The following PELI2 variants were observed in gnomAD, a reference collection of about 807,000 sequenced individuals.
The protein encoded by PELI2 is pellino E3 ubiquitin protein ligase family member 2, also known as E3 ubiquitin-protein ligase pellino homolog 2.
In PELI2, 23 loss-of-function variants were observed where a neutral mutation model predicts 42.3. The ratio of observed to expected loss-of-function variants is 0.54; its 90% CI spans 0.39 to 0.77. PELI2 has a LOEUF of 0.77. Among genes scored for constraint, PELI2 ranks in the 30% least tolerant of loss-of-function variants. The probability of loss-of-function intolerance (pLI) is 0.00; values close to 1 mark genes in which losing one functional copy is unlikely to be tolerated. For missense variants in PELI2, 463 were observed against 553.2 expected (o/e 0.84, Z 1.64); for synonymous variants, 245 against 212.2 (o/e 1.15, Z -1.34).
chr14:56,121,013 A>G (rs1595531184), intron 1 of PELI2, among the ~76,000 whole-genome samples: 2 of 152,234 alleles, frequency 1.3e-5, no homozygotes. Context: ...AACCTTATTC[A>G]TATTCCACCC....
intron 2 of PELI2, among the ~76,000 whole-genome samples, chr14:56,255,681 T>TA (rs748583053): frequency 1.2e-4 from 18 of 152,114 alleles, no homozygotes; most frequent in Non-Finnish European, 2.4e-4. Flanking sequence ...CAGCAGATTG[T>TA]ATAGGCAGGA....
chr14:56,275,615 G>A (rs1404120877), intron 2 of PELI2, among the ~76,000 whole-genome samples: 1 of 152,142 alleles, frequency 6.6e-6, no homozygotes, highest in African/African-American at 2.4e-5. Context: ...AGAACCTAAT[G>A]CCGCTGCTGA....
At chr14:56,272,399 G>T (rs747424411) in intron 2 of PELI2, among the ~76,000 whole-genome samples, 12 of 151,422 alleles carry the variant, frequency 7.9e-5, no homozygotes, top group Non-Finnish European at 1.6e-4. Context: ...CTTAAATGAG[G>T]CAGACTCTAG....
intron 2 of PELI2, among the ~76,000 whole-genome samples, chr14:56,254,853 A>G (rs1010144317): frequency 2.6e-5 from 4 of 152,244 alleles, no homozygotes; most frequent in Admixed American, 2.6e-4. Flanking sequence ...TTCTCAAAAG[A>G]AGACATTTAT....
rs1392920373 is a variant in PELI2, at chr14:56,298,542, A to T, written c.*1376A>T. On this transcript the variant is annotated 3_prime_UTR_variant, in exon 6 of 6. Coordinates refer to ENST00000267460, the MANE Select transcript of PELI2 (RefSeq NM_021255.3). ...AAACTAATGTTCTCTTAATTTGACCATTGCAGATTTGGGTGACTTTTTTTT... is the reference window on the plus strand; with the variant it reads ...AAACTAATGTTCTCTTAATTTGACCTTTGCAGATTTGGGTGACTTTTTTTT... The T allele has an allele frequency of 6.6e-6, 1 of 152,648 alleles. No homozygotes were observed. The highest frequency in any genetic ancestry group is 1.5e-5 in the Non-Finnish European group (1 of 68,036). 9.5% of individuals were successfully genotyped at this position (152,648 alleles called of 1,614,324 possible).
intron 2 of PELI2, among the ~76,000 whole-genome samples, chr14:56,235,784 C>G (rs138729412): frequency 2.4e-4 from 36 of 152,354 alleles, no homozygotes; most frequent in African/African-American, 8.7e-4. Flanking sequence ...GAGGAGCTGT[C>G]TGCCCAGTTT....
chr14:56,146,746 A>G (rs545581282), intron 1 of PELI2, among the ~76,000 whole-genome samples: 18 of 152,056 alleles, frequency 1.2e-4, no homozygotes, highest in Middle Eastern at 3.4e-3. Flanking sequence ...TGAGAGATCA[A>G]TTTTACTTGT....
At chr14:56,234,464 A>T (rs943204879) in intron 2 of PELI2, among the ~76,000 whole-genome samples, 1 of 152,296 alleles carries the variant, frequency 6.6e-6, no homozygotes, top group South Asian at 2.1e-4. Context: ...ACATGGGTGA[A>T]GCTGGAAACC....
chr14:56,246,477 G>A (rs1258990146), intron 2 of PELI2, among the ~76,000 whole-genome samples: 3 of 152,104 alleles, frequency 2.0e-5, no homozygotes, highest in Non-Finnish European at 1.5e-5. Context: ...CCTTCCTCCT[G>A]TGTTTCCCAT....
At chr14:56,202,758 C>T (rs1886376031) in intron 2 of PELI2, among the ~76,000 whole-genome samples, 1 of 152,292 alleles carries the variant, frequency 6.6e-6, no homozygotes, top group South Asian at 2.1e-4. Flanking sequence ...AGCATATCAT[C>T]TGTGAAGTCT....
At chr14:56,134,731 T>C (rs1468513895) in intron 1 of PELI2, among the ~76,000 whole-genome samples, 8 of 152,046 alleles carry the variant, frequency 5.3e-5, no homozygotes, top group Non-Finnish European at 1.2e-4. Flanking sequence ...TTCTCTCTTT[T>C]TTAAAAAAAA....
chr14:56,260,488 G>T (rs1888674260), intron 2 of PELI2, among the ~76,000 whole-genome samples: 1 of 152,168 alleles, frequency 6.6e-6, no homozygotes, highest in Non-Finnish European at 1.5e-5. Context: ...TCAGGGATTG[G>T]CTGCACAGTC....
intron 2 of PELI2, among the ~76,000 whole-genome samples, chr14:56,242,609 ATCAG>A (rs1173047024): frequency 6.6e-6 from 1 of 152,368 alleles, no homozygotes; most frequent in African/African-American, 2.4e-5. Context: ...CTAAATGTCC[ATCAG>A]TCAGTGAGTG....
chr14:56,270,067 C>G (rs1322395205), intron 2 of PELI2, among the ~76,000 whole-genome samples: 2 of 152,162 alleles, frequency 1.3e-5, no homozygotes, highest in African/African-American at 4.8e-5. Flanking sequence ...CGTGCCTGCC[C>G]CAGCCCTGTC....
At chr14:56,121,481 C>A (rs1883057178) in intron 1 of PELI2, among the ~76,000 whole-genome samples, 1 of 152,148 alleles carries the variant, frequency 6.6e-6, no homozygotes, top group South Asian at 2.1e-4. Flanking sequence ...TTTCATGATT[C>A]CAGCCAGTTA....
intron 2 of PELI2, among the ~76,000 whole-genome samples, chr14:56,181,867 T>C (rs1885596707): frequency 6.7e-6 from 1 of 148,280 alleles, no homozygotes; most frequent in Non-Finnish European, 1.5e-5. Flanking sequence ...TGTGTGTGTG[T>C]GTGTGTTTTT....
intron 2 of PELI2, among the ~76,000 whole-genome samples, chr14:56,212,804 G>C (rs1886757325): frequency 1.3e-5 from 2 of 152,202 alleles, no homozygotes; most frequent in South Asian, 4.1e-4. Flanking sequence ...ATGTGTTCCA[G>C]TGGCCAGTCT....
chr14:56,230,678 A>G (rs1266474663), intron 2 of PELI2, among the ~76,000 whole-genome samples: 1 of 152,222 alleles, frequency 6.6e-6, no homozygotes, highest in Admixed American at 6.5e-5. Context: ...GATGCTAGGA[A>G]GAAACTCCAT....
intron 2 of PELI2, among the ~76,000 whole-genome samples, chr14:56,225,894 ATG>A: frequency 6.6e-6 from 1 of 152,268 alleles, no homozygotes; most frequent in Non-Finnish European, 1.5e-5. Flanking sequence ...TATGTATGTC[ATG>A]TGGAAACTGA....
Sources: gnomAD v4.1 joint callset for allele counts (sites outside exome capture counted in the v4.1 genomes callset) on GRCh38, gnomAD v4.1.1 for gene constraint, MANE v1.5 for transcripts, NCBI Gene and HGNC (gene_info 2026-07-23, HGNC 2026-07-21) for gene names.